UTP20: variants seen among roughly 807,000 people sequenced by gnomAD.
UTP20 encodes the protein small subunit processome component 20 homolog.
A neutral mutation model predicts 329.5 loss-of-function variants in UTP20; 164 were observed. The observed-to-expected ratio is 0.50, with a 90% CI of 0.44 to 0.57. UTP20 has a LOEUF of 0.57. Among genes scored for constraint, UTP20 ranks in the 20% least tolerant of loss-of-function variants. The pLI is 0.00. For synonymous variants in UTP20, 1,151 were observed against 1,159.3 expected, an observed-to-expected ratio of 0.99 and a Z score of 0.14; for missense variants, 3,055 against 3,284.2, an observed-to-expected ratio of 0.93 and a Z score of 1.71.
intron 5 of UTP20, 137 bp from the exon 6 acceptor site, chr12:101,288,823 G>C (rs1872040105): frequency 1.4e-6 from 1 of 733,328 alleles, no homozygotes; most frequent in African/African-American, 1.8e-5. Flanking sequence ...ATAAATGAAT[G>C]AGATTTTAAA....
intron 27 of UTP20, among the ~76,000 whole-genome samples, chr12:101,332,324 C>A (rs1358357389): frequency 6.6e-6 from 1 of 152,084 alleles, no homozygotes; most frequent in Non-Finnish European, 1.5e-5. Context: ...GCAACAAGAG[C>A]GAAGCTCCAT....
intron 51 of UTP20, among the ~76,000 whole-genome samples, chr12:101,372,194 G>T (rs910166626): frequency 1.3e-5 from 2 of 152,214 alleles, no homozygotes; most frequent in Non-Finnish European, 2.9e-5. Context: ...CGAGGGAAAG[G>T]CAGGCTTGGA....
chr12:101,361,360 A>G (rs539058312), intron 43 of UTP20, among the ~76,000 whole-genome samples: 2 of 151,900 alleles, frequency 1.3e-5, no homozygotes, highest in Non-Finnish European at 2.9e-5. Flanking sequence ...ATGGTGGCTC[A>G]CTCCTGTAAT....
chr12:101,299,247 G>C (rs907376737), intron 12 of UTP20, among the ~76,000 whole-genome samples: 3 of 152,130 alleles, frequency 2.0e-5, no homozygotes, highest in Non-Finnish European at 2.9e-5. Flanking sequence ...TTACTTATAT[G>C]TCATAATCAT....
In UTP20 at chr12:101,281,980, G is replaced by A. The variant is rs182296432; in HGVS notation, c.126+784G>A. Among the ~76,000 whole-genome samples the A allele has an allele frequency of 3.3e-3, 502 of 152,244 alleles. 3 individuals are homozygous for A. Among genetic ancestry groups the A allele is most frequent in the African/African-American group, 0.012 (482 of 41,548 alleles). On this transcript the variant is annotated intron_variant, in intron 2 of 61. Coordinates refer to ENST00000261637, the MANE Select transcript of UTP20 (RefSeq NM_014503.3). ...GGCCTCCGAAAGTGCTGGGATTACA[G>A]GTGTGAGCCACCACGCCCGGCCTTG...
chr12:101,312,983 A>T (rs2137253797), intron 21 of UTP20, among the ~76,000 whole-genome samples: 1 of 152,276 alleles, frequency 6.6e-6, no homozygotes, highest in Middle Eastern at 3.4e-3. Flanking sequence ...TCATTATTTT[A>T]TTGCCTGCCT....
intron 11 of UTP20, among the ~76,000 whole-genome samples, chr12:101,294,935 G>C (rs531204140): frequency 3.3e-5 from 5 of 152,336 alleles, no homozygotes; most frequent in African/African-American, 1.2e-4. Context: ...TCTTCCAGCA[G>C]CTTTATAAAT....
chr12:101,321,319 C>T (rs892486698), intron 24 of UTP20, among the ~76,000 whole-genome samples, 185 bp from the exon 25 acceptor site: 1 of 151,908 alleles, frequency 6.6e-6, no homozygotes, highest in African/African-American at 2.4e-5. Flanking sequence ...ATCCGTTATA[C>T]CTTTTGAAAT....
At chr12:101,366,732 T>G (rs1392728551) in intron 47 of UTP20, 33 bp downstream of exon 47, 1 of 1,600,368 alleles carries the variant, frequency 6.2e-7, no homozygotes, top group Admixed American at 1.7e-5. Flanking sequence ...GACTTGCTAC[T>G]TTCAGGGAGT....
intron 27 of UTP20, among the ~76,000 whole-genome samples, chr12:101,331,065 T>C (rs1396895751): frequency 1.3e-5 from 2 of 152,234 alleles, no homozygotes; most frequent in Admixed American, 1.3e-4. Flanking sequence ...GTTTTGAGGT[T>C]TTTTTGTACA....
At chr12:101,291,622 G>A (rs546269928) in intron 8 of UTP20, 120 bp from the exon 9 acceptor site, 5 of 907,928 alleles carry the variant, frequency 5.5e-6, no homozygotes, top group South Asian at 2.5e-5. Context: ...CCTGGTAAAT[G>A]TATCTTTTTC....
intron 38 of UTP20, among the ~76,000 whole-genome samples, chr12:101,349,829 C>T (rs1593443663): frequency 6.6e-6 from 1 of 152,140 alleles, no homozygotes; most frequent in East Asian, 1.9e-4. Context: ...TATTAGGTCA[C>T]TTGAAGTTGT....
rs761528888 is a variant in UTP20, at chr12:101,286,378, G to GT, written c.392dup (p.Leu131PhefsTer27). 14 of 1,611,666 alleles carry GT rather than the reference G, an allele frequency of 8.7e-6. No homozygotes were observed. Among genetic ancestry groups the GT allele is most frequent in the Admixed American group, 5.0e-5 (3 of 59,794 alleles). On this transcript the variant is annotated frameshift_variant, in exon 5 of 62. Coordinates refer to ENST00000261637, the MANE Select transcript of UTP20 (RefSeq NM_014503.3). LOFTEE classifies it high-confidence loss of function. ...TGGATTTCTACCCACACTTTCCAGA[G>GT]TTTTTTTTGACTATCACCTCGATCC...
intron 29 of UTP20, among the ~76,000 whole-genome samples, chr12:101,334,983 A>C (rs1396208936): frequency 6.6e-6 from 1 of 152,088 alleles, no homozygotes. Context: ...AAAAAAAAAA[A>C]AGATAAAAAG....
At chr12:101,323,274 G>C (rs927771617) in intron 25 of UTP20, among the ~76,000 whole-genome samples, 22 of 152,138 alleles carry the variant, frequency 1.4e-4, no homozygotes, top group Non-Finnish European at 5.9e-5. Context: ...TTGCAAAATA[G>C]AAAATCTTAC....
At chr12:101,360,144 C>A (rs910769106) in intron 43 of UTP20, among the ~76,000 whole-genome samples, 12 of 152,170 alleles carry the variant, frequency 7.9e-5, no homozygotes, top group African/African-American at 2.9e-4. Context: ...GTTGAGAGAA[C>A]AACTGATTTC....
rs139993869 is a variant in UTP20 at position 101,366,698 on chromosome 12, G to A, written c.6266G>A (p.Arg2089Gln). 1.9e-4 allele frequency: 313 copies of A among 1,612,932 alleles called. 1 individual carries two copies. The highest frequency in any genetic ancestry group is 1.3e-3 in the Middle Eastern group (8 of 6,054). ...NMHIFIESGL[R>Q]LLHLSLKTSK... is the part of the protein sequence containing the mutation. ...CACATATTTATTGAGTCCGGGCTTC[G>A]GGTAAGAATTAACCTTAAAATGAGA... The change falls in exon 47 of 62, where the codon CGG becomes CAG. Residue 2089 changes from arginine (R) to glutamine (Q), a missense_variant and splice_region_variant. By Grantham distance (43) the Arg-to-Gln change is conservative (BLOSUM62 1). Coordinates refer to ENST00000261637, the MANE Select transcript of UTP20 (RefSeq NM_014503.3).
At chr12:101,336,362 T>C (rs1389726479) in intron 29 of UTP20, among the ~76,000 whole-genome samples, 2 of 152,220 alleles carry the variant, frequency 1.3e-5, no homozygotes, top group African/African-American at 4.8e-5. Flanking sequence ...AAACAGATTT[T>C]TCATCTATAG....
At chr12:101,384,792 G>T (rs1279495977) in intron 60 of UTP20, among the ~76,000 whole-genome samples, 1 of 152,038 alleles carries the variant, frequency 6.6e-6, no homozygotes, top group African/African-American at 2.4e-5. Context: ...TACAACCTTG[G>T]GAGAAAGTTT....
Sources: allele counts gnomAD v4.1 joint callset (sites outside exome capture counted in the v4.1 genomes callset), GRCh38; gene constraint gnomAD v4.1.1; transcripts MANE v1.5; gene names NCBI Gene and HGNC (gene_info 2026-07-23, HGNC 2026-07-21).